The following TNRC6B variants were observed in gnomAD, a reference collection of about 807,000 sequenced individuals.
The protein encoded by TNRC6B is trinucleotide repeat-containing gene 6B protein.
Under a neutral mutation model 203.6 loss-of-function variants are expected in TNRC6B, and 52 were observed. The observed-to-expected ratio is 0.26, with a 90% CI of 0.20 to 0.32. TNRC6B has a LOEUF of 0.32. TNRC6B is among the 10% of genes least tolerant of loss of function. The pLI is 1.00. For synonymous variants in TNRC6B, 838 were observed against 845.7 expected (o/e 0.99, Z 0.16); for missense variants, 1,923 against 2,286.2 (o/e 0.84, Z 3.24).
At chr22:40,121,687 A>G (rs531974605) in intron 2 of TNRC6B, among the ~76,000 whole-genome samples, 6 of 152,214 alleles carry the variant, frequency 3.9e-5, no homozygotes, top group Non-Finnish European at 7.3e-5. Flanking sequence ...TTTCAATACC[A>G]GCATCACCAC....
Position 40,097,844 on chromosome 22 carries a change from G to A in TNRC6B, c.-120-19211G>A, listed in dbSNP as rs939451944. Among the ~76,000 whole-genome samples the A allele has an allele frequency of 5.3e-4, 81 of 151,808 alleles. 3 individuals are homozygous for A. Among genetic ancestry groups the A allele is most frequent in the East Asian group, 1.9e-4 (1 of 5,192 alleles). On this transcript the variant is annotated intron_variant, in intron 1 of 23. Coordinates refer to the TNRC6B transcript ENST00000301923. Reference sequence around the variant, plus strand: ...GATATACAAAATGTTTTATAATGGCGTATCTTATTTACTTATTTAAGACAG... The same window carrying A: ...GATATACAAAATGTTTTATAATGGCATATCTTATTTACTTATTTAAGACAG...
At chr22:40,223,504 T>A (rs1030309242) in intron 1 of TNRC6B, among the ~76,000 whole-genome samples, 4 of 152,214 alleles carry the variant, frequency 2.6e-5, no homozygotes, top group Non-Finnish European at 4.4e-5. Flanking sequence ...GCCCCCCTTT[T>A]CTTACGTACA....
At chr22:40,112,803 C>A (rs2146314348) in intron 1 of TNRC6B, among the ~76,000 whole-genome samples, 1 of 152,196 alleles carries the variant, frequency 6.6e-6, no homozygotes, top group Admixed American at 6.5e-5. Context: ...GTTGAGACCA[C>A]AAATATAAAC....
intron 1 of TNRC6B, among the ~76,000 whole-genome samples, chr22:40,214,935 AG>A (rs2069615432): frequency 6.6e-6 from 1 of 152,236 alleles, no homozygotes; most frequent in African/African-American, 2.4e-5. Flanking sequence ...TGAATAAAGC[AG>A]GTCTCCCTTG....
At chr22:40,214,963 A>T (rs2146426870) in intron 1 of TNRC6B, among the ~76,000 whole-genome samples, 1 of 152,098 alleles carries the variant, frequency 6.6e-6, no homozygotes, top group Non-Finnish European at 1.5e-5. Flanking sequence ...CTAGTTTTCA[A>T]TATTTTTTAC....
At chr22:40,064,080 A>AT (rs1218600654) in intron 1 of TNRC6B, among the ~76,000 whole-genome samples, 1 of 152,200 alleles carries the variant, frequency 6.6e-6, no homozygotes, top group Non-Finnish European at 1.5e-5. Flanking sequence ...AATACAATGG[A>AT]TTTTAATACA....
chr22:40,280,624 A>G (rs2070710417), intron 10 of TNRC6B, among the ~76,000 whole-genome samples: 2 of 152,196 alleles, frequency 1.3e-5, no homozygotes, highest in African/African-American at 4.8e-5. Flanking sequence ...GTTTCTACCT[A>G]TTGGTTTTGA....
intron 1 of TNRC6B, among the ~76,000 whole-genome samples, chr22:40,053,026 G>C (rs1430493356): frequency 1.3e-5 from 2 of 151,962 alleles, no homozygotes; most frequent in Non-Finnish European, 2.9e-5. Flanking sequence ...TGTCTTCATG[G>C]GAGCATTTCA....
rs1044808616 is a variant in TNRC6B, at chr22:40,268,453, G to A, written c.2806+1417G>A. On this transcript the variant is annotated intron_variant, in intron 5 of 22. Transcript: ENST00000454349. ...TCCATTTGTGGCCTCTTAGAAAAATGATTACTTTTAACTCATTCTTTTTTC... is the reference window on the plus strand; with the variant it reads ...TCCATTTGTGGCCTCTTAGAAAAATAATTACTTTTAACTCATTCTTTTTTC... Among the ~76,000 whole-genome samples, 3 of 152,102 alleles carry A rather than the reference G, an allele frequency of 2.0e-5. No individual in the cohort carries two copies. In the South Asian group the frequency reaches 6.2e-4, roughly 32 times the overall value.
intron 3 of TNRC6B, among the ~76,000 whole-genome samples, chr22:40,254,616 G>A (rs931887499): frequency 1.3e-5 from 2 of 152,210 alleles, no homozygotes; most frequent in African/African-American, 2.4e-5. Flanking sequence ...GGCCGAGCGC[G>A]GTGGCTCACG....
intron 1 of TNRC6B, among the ~76,000 whole-genome samples, chr22:40,094,481 AC>A (rs1484915812): frequency 6.6e-6 from 1 of 151,654 alleles, no homozygotes; most frequent in African/African-American, 2.4e-5. Flanking sequence ...ATTTAAAAAA[AC>A]AAAAACAGTT....
intron 1 of TNRC6B, among the ~76,000 whole-genome samples, chr22:40,082,801 A>C (rs2068072069): frequency 6.6e-6 from 1 of 152,232 alleles, no homozygotes; most frequent in African/African-American, 2.4e-5. Flanking sequence ...GGAGTGGAGG[A>C]AGGCATAGAA....
At chr22:40,252,345 G>A (rs1440647705) in intron 3 of TNRC6B, among the ~76,000 whole-genome samples, 1 of 152,242 alleles carries the variant, frequency 6.6e-6, no homozygotes, top group African/African-American at 2.4e-5. Context: ...GGAATTAGAT[G>A]TGACTGTGAT....
intron 1 of TNRC6B, among the ~76,000 whole-genome samples, chr22:40,230,282 CTTTTTTTT>C (rs56122256): frequency 7.4e-5 from 7 of 94,498 alleles, no homozygotes; most frequent in South Asian, 3.7e-4. Flanking sequence ...TGCCCATCTT[CTTTTTTTT>C]TTTTTTTTTT....
chr22:40,260,201 CTT>C (rs5845452), intron 3 of TNRC6B, among the ~76,000 whole-genome samples: 4 of 146,554 alleles, frequency 2.7e-5, no homozygotes, highest in Admixed American at 6.8e-5. Context: ...GGAAGAAACA[CTT>C]TTTTTTTTTT....
intron 2 of TNRC6B, among the ~76,000 whole-genome samples, chr22:40,249,277 A>G (rs2070151294): frequency 6.6e-6 from 1 of 152,246 alleles, no homozygotes. Context: ...TTGTTTAATA[A>G]GTGAATGGTC....
intron 4 of TNRC6B, among the ~76,000 whole-genome samples, chr22:40,159,246 A>T (rs1280106030): frequency 6.8e-6 from 1 of 146,412 alleles, no homozygotes; most frequent in East Asian, 2.2e-4. Context: ...TACAGGCGTG[A>T]GCCACCGCAC....
At chr22:40,153,618 CAAGA>C (rs2068781571) in intron 3 of TNRC6B, among the ~76,000 whole-genome samples, 1 of 149,748 alleles carries the variant, frequency 6.7e-6, no homozygotes, top group South Asian at 2.1e-4. Context: ...CAAAATTATA[CAAGA>C]AAGGAAATTT....
intron 1 of TNRC6B, among the ~76,000 whole-genome samples, chr22:40,222,675 C>T (rs1330291608): frequency 7.0e-6 from 1 of 142,310 alleles, no homozygotes; most frequent in Non-Finnish European, 1.5e-5. Context: ...CTCTTTTATC[C>T]TTTTATGCAG....
Sources: allele counts gnomAD v4.1 joint callset (sites outside exome capture counted in the v4.1 genomes callset), GRCh38; gene constraint gnomAD v4.1.1; transcripts MANE v1.5; gene names NCBI Gene and HGNC (gene_info 2026-07-23, HGNC 2026-07-21).